The following DNAJC6 variants were observed in gnomAD, a reference collection of about 807,000 sequenced individuals.
DNAJC6 encodes DnaJ heat shock protein family (Hsp40) member C6.
DNAJC6 carries 34 observed loss-of-function variants against 110.0 expected under a neutral mutation model. The ratio of observed to expected loss-of-function variants is 0.31; its 90% CI spans 0.24 to 0.41. DNAJC6 has a LOEUF of 0.41. Ranked by LOEUF, DNAJC6 falls within the 10% of genes least tolerant of loss-of-function variation. The pLI, the probability that DNAJC6 is intolerant of heterozygous loss-of-function variation, is 1.00. For missense variants in DNAJC6, 1,031 were observed against 1,207.8 expected (o/e 0.85, Z 2.17); for synonymous variants, 406 against 437.2 (o/e 0.93, Z 0.89).
At chr1:65,302,100 A>AATATGTATTAT (rs1553135964) in intron 1 of DNAJC6, among the ~76,000 whole-genome samples, 32 of 31,804 alleles carry the variant, frequency 1.0e-3, no homozygotes, top group African/African-American at 3.5e-3. Context: ...TTATATATAT[A>AATATGTATTAT]ATATATAATA....
At chr1:65,390,712 C>T (rs1317270918) in intron 11 of DNAJC6, among the ~76,000 whole-genome samples, 4 of 152,184 alleles carry the variant, frequency 2.6e-5, no homozygotes, top group African/African-American at 9.7e-5. Context: ...ATAATATTCC[C>T]ATCGCCTGCA....
Position 65,394,951 on chromosome 1 carries a change from C to T in DNAJC6, c.1957C>T (p.Leu653=). 6.2e-7 allele frequency: 1 copy of T among 1,612,332 alleles called. No individual in the cohort carries two copies. Among genetic ancestry groups the T allele is most frequent in the Non-Finnish European group, 8.5e-7 (1 of 1,179,450 alleles). Residue 653 remains leucine, a synonymous_variant, in exon 13 of 19, where the codon CTG becomes TTG. Transcript: ENST00000371069. ...TTCTAAACCATCAGGTCAGGATTTG[C>T]TGGGTTCTTTTCTGAACACATCCAG... is the stretch of plus-strand genomic sequence containing the variant. ...APSKPSGQDL[L]GSFLNTSSAS...
chr1:65,357,893 A>T (rs908888312), intron 1 of DNAJC6, among the ~76,000 whole-genome samples: 1 of 152,196 alleles, frequency 6.6e-6, no homozygotes, highest in African/African-American at 2.4e-5. Flanking sequence ...AAACTAATGA[A>T]TGTGGCCGGG....
upstream of DNAJC6, chr1:65,309,538 G>C: frequency 2.7e-6 from 3 of 1,098,466 alleles, no homozygotes; most frequent in Non-Finnish European, 3.3e-6. Context: ...TCCTCCCGGC[G>C]CCCCGAGCCG....
chr1:65,302,089 ATTAT>A (rs1453351793), intron 1 of DNAJC6, among the ~76,000 whole-genome samples: 1 of 55,508 alleles, frequency 1.8e-5, no homozygotes, highest in Non-Finnish European at 2.8e-5. Context: ...TATTATATAT[ATTAT>A]ATATATAATA....
In DNAJC6 at chr1:65,309,783, A is replaced by G. The variant is rs867834466; in HGVS notation, c.38A>G (p.Asn13Ser). 2 of 1,549,238 alleles carry G rather than the reference A, an allele frequency of 1.3e-6. No homozygotes were observed. Among genetic ancestry groups the G allele is most frequent in the Admixed American group, 2.0e-5 (1 of 50,958 alleles). ...GGGAGCTACCGGAAAAAGACCAGCA[A>G]CGATGGTTATGAATCTTTGCAGCTG... ...LLGSYRKKTS[N>S]DGYESLQLVD... Residue 13 changes from asparagine (N) to serine (S), a missense_variant, in exon 1 of 19, where the codon AAC becomes AGC. Transcript: ENST00000371069.
At chr1:65,351,385 C>T (rs80061052) in intron 1 of DNAJC6, among the ~76,000 whole-genome samples, 10 of 152,258 alleles carry the variant, frequency 6.6e-5, no homozygotes, top group African/African-American at 2.2e-4. Context: ...GTAAAGACCC[C>T]AGATAATTCT....
At chr1:65,306,240 G>C (rs565942453), upstream of DNAJC6, among the ~76,000 whole-genome samples, 1 of 152,014 alleles carries the variant, frequency 6.6e-6, no homozygotes, top group South Asian at 2.1e-4. Flanking sequence ...GTAGATACAG[G>C]GTTTCACCGT....
chr1:65,337,328 A>G (rs1645347418), intron 1 of DNAJC6, among the ~76,000 whole-genome samples: 1 of 149,346 alleles, frequency 6.7e-6, no homozygotes, highest in Non-Finnish European at 1.5e-5. Flanking sequence ...GACTATTTCT[A>G]TGAGGAAAAA....
chr1:65,406,634 C>T (rs907888677), intron 16 of DNAJC6, among the ~76,000 whole-genome samples: 4 of 152,136 alleles, frequency 2.6e-5, no homozygotes, highest in African/African-American at 9.7e-5. Flanking sequence ...TCTTGGAAAA[C>T]TTGGTCTTTC....
At chr1:65,303,782 C>T (rs952010723) in intron 1 of DNAJC6, among the ~76,000 whole-genome samples, 1 of 151,994 alleles carries the variant, frequency 6.6e-6, no homozygotes. Flanking sequence ...ACCATGTTGG[C>T]CAGGCTGGTC....
At chr1:65,379,833 T>G (rs1037461334) in intron 5 of DNAJC6, 33 of 195,916 alleles carry the variant, frequency 1.7e-4, no homozygotes. Context: ...CCATTGACTT[T>G]TGTGTGAATA....
chr1:65,273,228 G>GT (rs1183576712), intron 1 of DNAJC6, among the ~76,000 whole-genome samples: 1 of 151,916 alleles, frequency 6.6e-6, no homozygotes, highest in Non-Finnish European at 1.5e-5. Flanking sequence ...TTATTTTTTA[G>GT]TTTTTTGAGA....
rs1182003063 is a variant in DNAJC6 at position 65,415,594 on chromosome 1, C to T, written c.*2569C>T. ...AAAAATCAAAGGATTTTCAAAAAAA[C>T]GAATCTGTATGTTGAGGCAAAAGGA... On this transcript the variant is annotated 3_prime_UTR_variant, in exon 19 of 19. Transcript: ENST00000371069. 3 of 152,036 alleles carry T rather than the reference C, an allele frequency of 2.0e-5. No individual in the cohort carries two copies. The highest frequency in any genetic ancestry group is 6.6e-5 in the Admixed American group (1 of 15,256). 9.4% of individuals were successfully genotyped at this position (152,036 alleles called of 1,614,324 possible).
chr1:65,393,830 C>T (rs143304021), intron 12 of DNAJC6, among the ~76,000 whole-genome samples: 2 of 152,028 alleles, frequency 1.3e-5, no homozygotes, highest in African/African-American at 2.4e-5. Flanking sequence ...TTTCCCCAAG[C>T]GTATCCTTCC....
intron 1 of DNAJC6, among the ~76,000 whole-genome samples, chr1:65,324,505 C>T (rs906362426): frequency 1.3e-5 from 2 of 151,972 alleles, no homozygotes; most frequent in African/African-American, 2.4e-5. Context: ...ATTATAGGCA[C>T]CCACCACCAT....
chr1:65,354,741 A>G (rs1244818754), intron 1 of DNAJC6, among the ~76,000 whole-genome samples: 2 of 152,212 alleles, frequency 1.3e-5, no homozygotes, highest in Admixed American at 6.5e-5. Flanking sequence ...CACTAGCATA[A>G]TATAGAAATC....
intron 4 of DNAJC6, among the ~76,000 whole-genome samples, chr1:65,371,168 T>A (rs1645701847): frequency 6.6e-6 from 1 of 152,216 alleles, no homozygotes; most frequent in South Asian, 2.1e-4. Context: ...TTATCAGTCA[T>A]CAGACAATGT....
intron 1 of DNAJC6, among the ~76,000 whole-genome samples, chr1:65,340,921 G>C (rs1645383092): frequency 6.6e-6 from 1 of 152,148 alleles, no homozygotes; most frequent in African/African-American, 2.4e-5. Flanking sequence ...CTGAAAATTT[G>C]CATTTTTTAA....
Sources: gnomAD v4.1 joint callset for allele counts (sites outside exome capture counted in the v4.1 genomes callset) on GRCh38, gnomAD v4.1.1 for gene constraint, MANE v1.5 for transcripts, NCBI Gene and HGNC (gene_info 2026-07-23, HGNC 2026-07-21) for gene names.